Variants in DCDC2 observed in about 807,000 individuals in gnomAD.
DCDC2 encodes doublecortin domain containing 2, also known as doublecortin domain-containing protein 2.
DCDC2 carries 40 observed loss-of-function variants against 50.2 expected under a neutral mutation model. The observed-to-expected ratio is 0.80, with a 90% CI of 0.62 to 1.04. The LOEUF (loss-of-function observed/expected upper bound fraction) is 1.04, where lower values mean the gene tolerates loss of function less well. DCDC2 is among the 50% of genes least tolerant of loss of function. The probability of loss-of-function intolerance (pLI) is 0.00; values close to 1 mark genes in which losing one functional copy is unlikely to be tolerated. For missense variants in DCDC2, 570 were observed against 581.9 expected (o/e 0.98, Z 0.21); for synonymous variants, 234 against 210.6 (o/e 1.11, Z -0.96).
At chr6:24,197,044 A>G (rs1761458260) in intron 8 of DCDC2, among the ~76,000 whole-genome samples, 1 of 152,224 alleles carries the variant, frequency 6.6e-6, no homozygotes. Flanking sequence ...TCCCAATGTT[A>G]TGACCAAGAG....
chr6:24,239,279 GGAA>G (rs1762518559), intron 7 of DCDC2, among the ~76,000 whole-genome samples: 1 of 152,184 alleles, frequency 6.6e-6, no homozygotes, highest in East Asian at 1.9e-4. Flanking sequence ...TGGACCAAAA[GGAA>G]GAAGGACAGG....
chr6:24,212,105 A>C (rs1761884613), intron 7 of DCDC2, among the ~76,000 whole-genome samples: 1 of 152,116 alleles, frequency 6.6e-6, no homozygotes, highest in Non-Finnish European at 1.5e-5. Flanking sequence ...CGTATTGTGA[A>C]CTGCACATGC....
At chr6:24,235,985 G>C (rs2113786988) in intron 7 of DCDC2, among the ~76,000 whole-genome samples, 1 of 152,246 alleles carries the variant, frequency 6.6e-6, no homozygotes, top group Non-Finnish European at 1.5e-5. Context: ...CCATGCTCAT[G>C]AATTAGAAGA....
At chr6:24,310,237 C>G (rs1327926397) in intron 2 of DCDC2, among the ~76,000 whole-genome samples, 1 of 152,044 alleles carries the variant, frequency 6.6e-6, no homozygotes, top group Non-Finnish European at 1.5e-5. Flanking sequence ...ATATCTTTTT[C>G]TAGTATTGTG....
intron 2 of DCDC2, among the ~76,000 whole-genome samples, chr6:24,351,645 G>A (rs944721598): frequency 6.6e-6 from 1 of 152,156 alleles, no homozygotes; most frequent in African/African-American, 2.4e-5. Context: ...TGGAGACAAG[G>A]GGTAGGTTTT....
At chr6:24,272,319 T>C (rs111593663) in intron 7 of DCDC2, among the ~76,000 whole-genome samples, 9 of 152,164 alleles carry the variant, frequency 5.9e-5, no homozygotes, top group African/African-American at 2.2e-4. Context: ...TTCCAATAAG[T>C]GGATCATGAA....
intron 2 of DCDC2, among the ~76,000 whole-genome samples, chr6:24,325,130 A>G (rs890726340): frequency 6.7e-6 from 1 of 150,178 alleles, no homozygotes; most frequent in Non-Finnish European, 1.5e-5. Flanking sequence ...ATCCAAAACC[A>G]GAATCTCCAG....
Position 24,205,006 on chromosome 6 carries a change from T to A in DCDC2, c.1019A>T (p.Asp340Val). The change falls in exon 8 of 10, where the codon GAT becomes GTT. Residue 340 changes from aspartate to valine, a missense_variant. Asp to Val is a radical substitution (Grantham distance 152). Coordinates refer to ENST00000378454, the MANE Select transcript of DCDC2 (RefSeq NM_016356.5). ...TTTTTAAGGCATGGAGATTACCTGA[T>A]CGACTGGAACCTCAACCTGAGTATC... ...DEDTQVEVPV[D>V]QRPAEIVDEE... The A allele has an allele frequency of 6.2e-7, 1 of 1,613,146 alleles. No homozygotes were observed. The highest frequency in any genetic ancestry group is 8.5e-7 in the Non-Finnish European group (1 of 1,179,450).
At chr6:24,205,520 C>T (rs1761700607) in intron 7 of DCDC2, among the ~76,000 whole-genome samples, 1 of 151,980 alleles carries the variant, frequency 6.6e-6, no homozygotes, top group South Asian at 2.1e-4. Context: ...GAATGCTATG[C>T]ATTCAATATA....
chr6:24,215,159 G>C (rs188287328), intron 7 of DCDC2, among the ~76,000 whole-genome samples: 69 of 152,306 alleles, frequency 4.5e-4, no homozygotes, highest in Admixed American at 2.8e-3. Context: ...AGAGACGGAA[G>C]CTACAAATCA....
At chr6:24,244,683 C>T (rs899301294) in intron 7 of DCDC2, among the ~76,000 whole-genome samples, 1 of 152,238 alleles carries the variant, frequency 6.6e-6, no homozygotes, top group African/African-American at 2.4e-5. Flanking sequence ...CTTTGTCTCC[C>T]TCCCCTAGAG....
chr6:24,296,173 TACACC>T (rs1379761647), intron 4 of DCDC2, among the ~76,000 whole-genome samples: 1 of 151,978 alleles, frequency 6.6e-6, no homozygotes, highest in Non-Finnish European at 1.5e-5. Flanking sequence ...AATAACACAG[TACACC>T]TACTTCCATC....
intron 8 of DCDC2, among the ~76,000 whole-genome samples, chr6:24,179,547 C>CAAA (rs56731018): frequency 6.3e-4 from 31 of 49,598 alleles, no homozygotes; most frequent in Non-Finnish European, 9.1e-4. Flanking sequence ...GACACCATCT[C>CAAA]AAAAAAAAAA....
intron 5 of DCDC2, 99 bp downstream of exon 5, chr6:24,290,833 G>T: frequency 9.6e-7 from 1 of 1,040,118 alleles, no homozygotes; most frequent in Non-Finnish European, 1.4e-6. Flanking sequence ...TAATAAATAA[G>T]ATTATCAATT....
At chr6:24,261,204 C>CTT (rs10694761) in intron 7 of DCDC2, among the ~76,000 whole-genome samples, 72,156 of 135,550 alleles carry the variant, frequency 0.53, 21,994 homozygotes, top group East Asian at 0.73. Flanking sequence ...CATTTTCTTG[C>CTT]TTTTTTTTTT....
At position 24,188,494 on chromosome 6, in the gene DCDC2, A is replaced by T. The variant is rs138709393; in HGVS notation, c.1024-9862T>A. ...ATGCCACTGTTTAAGAGTCAATGTC[A>T]TAAAAATAAACCCATCACTGCAAAA... is the stretch of plus-strand genomic sequence containing the variant. On this transcript the variant is annotated intron_variant, in intron 8 of 9. Transcript: ENST00000378454. 6.6e-5 allele frequency among the ~76,000 whole-genome samples: 10 copies of T among 152,344 alleles called. No individual in the cohort carries two copies. The East Asian group carries it at 1.7e-3, about 26-fold the overall frequency.
At chr6:24,237,827 C>G (rs1310641439) in intron 7 of DCDC2, among the ~76,000 whole-genome samples, 1 of 151,926 alleles carries the variant, frequency 6.6e-6, no homozygotes, top group Non-Finnish European at 1.5e-5. Context: ...AAACAGAAAA[C>G]CATAAACCAC....
chr6:24,248,419 T>C (rs531838937), intron 7 of DCDC2, among the ~76,000 whole-genome samples: 68 of 152,318 alleles, frequency 4.5e-4, no homozygotes, highest in Non-Finnish European at 9.1e-4. Context: ...CATGGCACTG[T>C]TAAGAAAATT....
At chr6:24,378,051 C>A in the DCDC2 span, among the ~76,000 whole-genome samples, 3 of 152,304 alleles carry the variant, frequency 2.0e-5, no homozygotes, top group South Asian at 4.2e-4. Flanking sequence ...AAAGTGTTAT[C>A]TCTTATTTTT....
Sources: allele counts gnomAD v4.1 joint callset (sites outside exome capture counted in the v4.1 genomes callset), GRCh38; gene constraint gnomAD v4.1.1; transcripts MANE v1.5; gene names NCBI Gene and HGNC (gene_info 2026-07-23, HGNC 2026-07-21).